NEB: variants seen among roughly 807,000 people sequenced by gnomAD.
NEB encodes nebulin, also known as nemaline myopathy type 2.
Under a neutral mutation model 952.2 loss-of-function variants are expected in NEB, and 512 were observed. The ratio of observed to expected loss-of-function variants is 0.54; its 90% CI spans 0.50 to 0.58. NEB has a LOEUF of 0.58. Among genes scored for constraint, NEB ranks in the 20% least tolerant of loss-of-function variants. NEB has a pLI of 0.00. For missense variants in NEB, 8,428 were observed against 9,231.1 expected, an observed-to-expected ratio of 0.91 and a Z score of 3.56; for synonymous variants, 2,900 against 3,149.8, an observed-to-expected ratio of 0.92 and a Z score of 2.66.
chr2:151,639,185 A>G (rs1560819105), intron 63 of NEB, 95 bp downstream of exon 63: 2 of 970,618 alleles, frequency 2.1e-6, no homozygotes, highest in South Asian at 1.7e-5. Context: ...CATGAAAAAG[A>G]TTCTTTCTAA....
chr2:151,728,561 A>G (rs1021076723), intron 4 of NEB, among the ~76,000 whole-genome samples: 2 of 152,216 alleles, frequency 1.3e-5, no homozygotes, highest in Admixed American at 6.5e-5. Flanking sequence ...TGATGACAAC[A>G]TAATGGGGTA....
At chr2:151,637,635 A>G (rs2098787445) in intron 63 of NEB, among the ~76,000 whole-genome samples, 1 of 152,182 alleles carries the variant, frequency 6.6e-6, no homozygotes. Flanking sequence ...GCACTAACAC[A>G]TCTCTGAGCT....
chr2:151,697,444 T>C lies in NEB; in HGVS notation c.1271A>G (p.Asp424Gly). 1.2e-6 allele frequency: 2 copies of C among 1,613,496 alleles called. No homozygotes were observed. Among genetic ancestry groups the C allele is most frequent in the Non-Finnish European group, 8.5e-7 (1 of 1,179,530 alleles). Reference protein sequence around the residue: ...QNFSSDKKYKDSYLKDILGHY... With the variant: ...QNFSSDKKYKGSYLKDILGHY... ...TCCCAAAATATCTTTTAAGTAGGAATCTTTATATTTTTTCTGCAAGACAAA... is the reference window on the plus strand; with the variant it reads ...TCCCAAAATATCTTTTAAGTAGGAACCTTTATATTTTTTCTGCAAGACAAA... The change falls in exon 15 of 182, where the codon GAT (aspartate) becomes GGT (glycine). Residue 424 changes from aspartate (D) to glycine (G), a missense_variant. Physicochemically the swap from Asp to Gly is moderately conservative, Grantham distance 94 (BLOSUM62 -1). Around this residue, in one of 11 missense-constraint regions of NEB, gnomAD observed 2,851 missense variants for 2,791.5 expected, o/e 1.02. Coordinates refer to ENST00000397345, the MANE Select transcript of NEB (RefSeq NM_001164508.2).
intron 105 of NEB, among the ~76,000 whole-genome samples, chr2:151,577,172 C>T (rs918917525): frequency 6.6e-6 from 1 of 152,154 alleles, no homozygotes; most frequent in Non-Finnish European, 1.5e-5. Flanking sequence ...TCACAACATT[C>T]CCCCATCCTA....
chr2:151,684,338 T>C (rs536003026), intron 28 of NEB, among the ~76,000 whole-genome samples: 2 of 152,354 alleles, frequency 1.3e-5, no homozygotes, highest in Non-Finnish European at 2.9e-5. Context: ...TAAATATTTA[T>C]GTTAAATCAT....
At chr2:151,710,345 C>A in intron 11 of NEB, 89 bp downstream of exon 11, 1 of 780,432 alleles carries the variant, frequency 1.3e-6, no homozygotes, top group Non-Finnish European at 2.1e-6. Flanking sequence ...TGTTCTGGCA[C>A]CCATTCAGGT....
Position 151,664,708 on chromosome 2 carries a change from T to A in NEB, c.5343+51A>T, listed in dbSNP as rs374463547. 4.1e-5 allele frequency: 63 copies of A among 1,534,872 alleles called. No homozygotes were observed. In the African/African-American group the frequency reaches 8.3e-4, roughly 20 times the overall value. Reference sequence around the variant, plus strand: ...GGTATGTAGAATGCAGACATAAGTATCAGTTCCCTTTAACCTTCTCCCCAG... The same window carrying A: ...GGTATGTAGAATGCAGACATAAGTAACAGTTCCCTTTAACCTTCTCCCCAG... On this transcript the variant is annotated intron_variant, in intron 43 of 181. Transcript: ENST00000397345.
rs755468871 is a variant in NEB, at chr2:151,576,206, A to G, written c.16853T>C (p.Ile5618Thr). Reference protein sequence around the residue: ...TPVVNLKYTSIVDTPEVVLAK... With the variant: ...TPVVNLKYTSTVDTPEVVLAK... ...AAGGACCACTTCAGGTGTGTCAACA[A>G]TGCTTGTGTACTTAAGGTTCACCAC... The change falls in exon 106 of 182, where the codon ATT (isoleucine) becomes ACT (threonine). Residue 5618 changes from isoleucine to threonine, a missense_variant. Around this residue, in one of 11 missense-constraint regions of NEB, gnomAD observed 3,374 missense variants for 3,651.5 expected, o/e 0.92. Coordinates refer to ENST00000397345, the MANE Select transcript of NEB (RefSeq NM_001164508.2). 1.9e-6 allele frequency: 3 copies of G among 1,611,070 alleles called. No homozygotes were observed. Among genetic ancestry groups the G allele is most frequent in the Non-Finnish European group, 1.7e-6 (2 of 1,177,888 alleles).
At chr2:151,546,118 T>A in intron 134 of NEB, 120 bp from the exon 135 acceptor site, 1 of 770,896 alleles carries the variant, frequency 1.3e-6, no homozygotes, top group Non-Finnish European at 2.1e-6. Context: ...GTGTCCTGGA[T>A]GTCTTCCCAG....
At chr2:151,550,976 T>G (rs1051974606) in intron 129 of NEB, among the ~76,000 whole-genome samples, 1 of 149,078 alleles carries the variant, frequency 6.7e-6, no homozygotes, top group Non-Finnish European at 1.5e-5. Flanking sequence ...ATTATTATTA[T>G]TATTATTTGA....
intron 54 of NEB, among the ~76,000 whole-genome samples, chr2:151,649,402 A>G (rs538146978): frequency 6.6e-6 from 1 of 152,310 alleles, no homozygotes; most frequent in East Asian, 1.9e-4. Flanking sequence ...AGCATATTAC[A>G]TATAGTATAT....
chr2:151,499,611 C>A, intron 168 of NEB: 1 of 360,364 alleles, frequency 2.8e-6, no homozygotes. Flanking sequence ...TTTATTGTAA[C>A]TTGAATATAT....
rs2099352205 is a variant in NEB, at chr2:151,675,468, C to A, written c.3775-77G>T. ...TTGCTTTAAAGAGTTATTTTTAGCA[C>A]AATCACCCATGATTTTCTAGTGTTA... On this transcript the variant is annotated intron_variant, in intron 34 of 181. Transcript: ENST00000397345. 4 of 940,850 alleles carry A rather than the reference C, an allele frequency of 4.3e-6. No individual in the cohort carries two copies. In the East Asian group the frequency reaches 8.3e-5, roughly 20 times the overall value. The allele number at this position is 940,850 out of a possible 1,614,324, so 58.3% of individuals were successfully genotyped here.
intron 63 of NEB, among the ~76,000 whole-genome samples, chr2:151,638,244 C>T (rs1401436768): frequency 5.3e-5 from 8 of 152,198 alleles, no homozygotes; most frequent in Non-Finnish European, 5.9e-5. Context: ...CCAATGTATC[C>T]TGGGAGCACA....
Position 151,614,518 on chromosome 2 carries a change from G to A in NEB, c.11359C>T (p.Pro3787Ser). 6.2e-7 allele frequency: 1 copy of A among 1,613,802 alleles called. No homozygotes were observed. Among genetic ancestry groups the A allele is most frequent in the Non-Finnish European group, 8.5e-7 (1 of 1,179,840 alleles). ...ACATGGATGGACCACATCATCTTCG[G>A]GTCATCCTTAATGTTCCGGGCCCCA... ...HIGARNIKDD[P>S]KMMWSIHVAK... is the part of the protein sequence containing the mutation. Residue 3787 changes from proline (P) to serine (S), a missense_variant, in exon 77 of 182, where the codon CCG becomes TCG. Transcript: ENST00000397345.
chr2:151,619,120 A>T (rs920531297), intron 73 of NEB, among the ~76,000 whole-genome samples: 1 of 152,168 alleles, frequency 6.6e-6, no homozygotes, highest in Non-Finnish European at 1.5e-5. Flanking sequence ...GCCAACAAAC[A>T]CACACATTTT....
intron 28 of NEB, among the ~76,000 whole-genome samples, chr2:151,683,322 G>C (rs79684655): frequency 0.013 from 1,914 of 152,260 alleles, 26 homozygotes; most frequent in Non-Finnish European, 0.02. Flanking sequence ...TCGTTAATTT[G>C]CATAAGAGGG....
intron 181 of NEB, among the ~76,000 whole-genome samples, chr2:151,489,757 GTTTT>G (rs372813378): frequency 7.4e-5 from 11 of 147,998 alleles, no homozygotes; most frequent in African/African-American, 2.5e-4. Context: ...CTAGGTTTGG[GTTTT>G]TTTTTTAAGT....
intron 128 of NEB, 114 bp downstream of exon 128, chr2:151,552,558 G>T (rs2095405193): frequency 5.9e-6 from 4 of 673,098 alleles, no homozygotes; most frequent in Non-Finnish European, 1.0e-5. Context: ...CACCAACTCT[G>T]GTTTCCCAGT....
Sources: gnomAD v4.1 joint callset for allele counts (sites outside exome capture counted in the v4.1 genomes callset) on GRCh38, gnomAD v4.1.1 for gene constraint, gnomAD v4.1.1 regional missense constraint, MANE v1.5 for transcripts, NCBI Gene and HGNC (gene_info 2026-07-23, HGNC 2026-07-21) for gene names.